The following KANSL1 variants were observed in gnomAD, a reference collection of about 807,000 sequenced individuals.
KANSL1 encodes the protein MLL1/MLL complex subunit KANSL1.
A neutral mutation model predicts 103.6 loss-of-function variants in KANSL1; 22 were observed. The observed-to-expected ratio is 0.21, with a 90% CI of 0.15 to 0.30. The LOEUF is 0.30. Among genes scored for constraint, KANSL1 ranks in the 10% least tolerant of loss-of-function variants. The probability of loss-of-function intolerance (pLI) is 1.00; values close to 1 mark genes in which losing one functional copy is unlikely to be tolerated. For synonymous variants in KANSL1, 600 were observed against 527.6 expected (o/e 1.14, Z -1.88); for missense variants, 1,337 against 1,399.8 (o/e 0.96, Z 0.72).
intron 2 of KANSL1, among the ~76,000 whole-genome samples, chr17:46,169,772 T>G (rs539543176): frequency 6.6e-6 from 1 of 152,258 alleles, no homozygotes; most frequent in Non-Finnish European, 1.5e-5. Context: ...ATTAAGTACA[T>G]AGATGCTGAA....
At chr17:46,200,452 A>G (rs2532228) in intron 1 of KANSL1, among the ~76,000 whole-genome samples, 21,955 of 152,240 alleles carry the variant, frequency 0.14, 2,138 homozygotes, top group Non-Finnish European at 0.22. Flanking sequence ...CTTAAAAAAT[A>G]TCTTTACAGG....
At chr17:46,204,083 G>A (rs1401832803) in intron 1 of KANSL1, among the ~76,000 whole-genome samples, 1 of 152,206 alleles carries the variant, frequency 6.6e-6, no homozygotes, top group African/African-American at 2.4e-5. Flanking sequence ...TTGGGAGGCT[G>A]AGACAGGAGG....
chr17:46,095,511 A>C (rs1049037860), intron 2 of KANSL1, among the ~76,000 whole-genome samples: 2 of 152,242 alleles, frequency 1.3e-5, no homozygotes, highest in African/African-American at 4.8e-5. Context: ...AGAAACGATC[A>C]AACTACTCAA....
chr17:46,213,346 G>A (rs1195512233), intron 1 of KANSL1, among the ~76,000 whole-genome samples: 4 of 152,178 alleles, frequency 2.6e-5, no homozygotes, highest in African/African-American at 9.7e-5. Context: ...TGTGGCCCAG[G>A]CTGGAGAGTA....
intron 13 of KANSL1, 46 bp downstream of exon 13, chr17:46,033,034 C>T (rs1182729385): frequency 2.7e-6 from 4 of 1,457,096 alleles, no homozygotes; most frequent in Non-Finnish European, 3.7e-6. Flanking sequence ...AACTCCCTGT[C>T]CACCCTCTCT....
chr17:46,069,917 T>C (rs2078515758), intron 4 of KANSL1, among the ~76,000 whole-genome samples: 1 of 152,016 alleles, frequency 6.6e-6, no homozygotes, highest in African/African-American at 2.4e-5. Flanking sequence ...TTTTGTTGGA[T>C]ATCCTGTACA....
upstream of KANSL1, among the ~76,000 whole-genome samples, chr17:46,194,667 C>T (rs1240980290): frequency 2.0e-5 from 3 of 152,208 alleles, 1 homozygote; most frequent in Admixed American, 6.5e-5. Flanking sequence ...TCGTTCAAAT[C>T]ATTAAATCAT....
chr17:46,061,863 G>A (rs9912420), intron 6 of KANSL1, among the ~76,000 whole-genome samples: 4,466 of 152,098 alleles, frequency 0.029, 184 homozygotes, highest in African/African-American at 0.09. Context: ...AGGCCAAGGC[G>A]GATGGATCAG....
intron 1 of KANSL1, among the ~76,000 whole-genome samples, chr17:46,191,208 C>T (rs2047303832): frequency 6.6e-6 from 1 of 152,116 alleles, no homozygotes; most frequent in Non-Finnish European, 1.5e-5. Context: ...TCTAAAACTA[C>T]AGGATTAAAA....
chr17:46,185,688 T>TACACAC (rs1567781864), intron 1 of KANSL1, among the ~76,000 whole-genome samples: 1 of 62,314 alleles, frequency 1.6e-5, no homozygotes, highest in Admixed American at 2.6e-4. Flanking sequence ...TACACACACA[T>TACACAC]ATATACACAC....
chr17:46,182,735 G>C (rs2046849015), intron 1 of KANSL1, among the ~76,000 whole-genome samples: 3 of 152,190 alleles, frequency 2.0e-5, no homozygotes, highest in African/African-American at 2.4e-5. Flanking sequence ...TCATTTTATA[G>C]ATGCTCAAAG....
At chr17:46,147,550 T>C (rs1248785805) in intron 2 of KANSL1, among the ~76,000 whole-genome samples, 2 of 130,708 alleles carry the variant, frequency 1.5e-5, no homozygotes, top group African/African-American at 3.0e-5. Context: ...CCCTCCAGCC[T>C]GGGTGACAGA....
intron 2 of KANSL1, among the ~76,000 whole-genome samples, chr17:46,100,366 G>T (rs1358023227): frequency 6.6e-6 from 1 of 151,456 alleles, no homozygotes; most frequent in Non-Finnish European, 1.5e-5. Context: ...GAATCCAGGA[G>T]GTGACGGAGG....
rs376148757 is a variant in KANSL1 at position 46,034,561 on chromosome 17, G to A, written c.2542-276C>T. On this transcript the variant is annotated intron_variant, in intron 10 of 14. Transcript: ENST00000432791. ...GGGCTCATGCGTAAATTTCATAGGGGTGGGTACCTGGGATCTTAACTGTTG... is the reference window on the plus strand; with the variant it reads ...GGGCTCATGCGTAAATTTCATAGGGATGGGTACCTGGGATCTTAACTGTTG... 7.3e-4 allele frequency: 268 copies of A among 369,312 alleles called. 1 individual carries two copies. The highest frequency in any genetic ancestry group is 5.6e-3 in the African/African-American group (259 of 46,546). 22.9% of individuals were successfully genotyped at this position (369,312 alleles called of 1,614,324 possible).
At chr17:46,216,936 T>G (rs1770469841) in intron 1 of KANSL1, among the ~76,000 whole-genome samples, 1 of 151,756 alleles carries the variant, frequency 6.6e-6, no homozygotes, top group Non-Finnish European at 1.5e-5. Flanking sequence ...CAAGACCCCA[T>G]CTCTACTAAA....
chr17:46,136,849 T>TTA (rs1475249783), intron 2 of KANSL1, among the ~76,000 whole-genome samples: 1 of 152,226 alleles, frequency 6.6e-6, no homozygotes, highest in Non-Finnish European at 1.5e-5. Flanking sequence ...ATGAACCAAC[T>TTA]TATACTAAAA....
At chr17:46,193,494 G>T (rs2047470145), upstream of KANSL1, 1 of 149,194 alleles carries the variant, frequency 6.7e-6, no homozygotes, top group Admixed American at 6.7e-5. Context: ...CGCCTCCGCC[G>T]GCTGCGGCTG....
chr17:46,058,196 G>T (rs893668388), intron 6 of KANSL1, among the ~76,000 whole-genome samples: 14 of 152,298 alleles, frequency 9.2e-5, no homozygotes, highest in South Asian at 6.2e-4. Context: ...CTGAGTGTTT[G>T]CTAAATATTA....
At chr17:46,047,652 T>G (rs1351895550) in intron 7 of KANSL1, among the ~76,000 whole-genome samples, 1 of 151,878 alleles carries the variant, frequency 6.6e-6, no homozygotes, top group Non-Finnish European at 1.5e-5. Context: ...CAGGTTGTGG[T>G]GGTGCACACT....
Sources: allele counts gnomAD v4.1 joint callset (sites outside exome capture counted in the v4.1 genomes callset), GRCh38; gene constraint gnomAD v4.1.1; transcripts MANE v1.5; gene names NCBI Gene and HGNC (gene_info 2026-07-23, HGNC 2026-07-21).